The following COL4A4 variants were observed in gnomAD, a reference collection of about 807,000 sequenced individuals.
COL4A4 encodes collagen type IV alpha 4 chain.
In COL4A4, 105 loss-of-function variants were observed where a neutral mutation model predicts 192.9. That is an observed-to-expected ratio of 0.54 (90% CI 0.46 to 0.64). The LOEUF (loss-of-function observed/expected upper bound fraction) is 0.64, where lower values mean the gene tolerates loss of function less well. Among genes scored for constraint, COL4A4 ranks in the 30% least tolerant of loss-of-function variants. The pLI, the probability that COL4A4 is intolerant of heterozygous loss-of-function variation, is 0.00. For synonymous variants in COL4A4, 762 were observed against 769.9 expected, an observed-to-expected ratio of 0.99 and a Z score of 0.17; for missense variants, 1,967 against 2,169.3, an observed-to-expected ratio of 0.91 and a Z score of 1.85.
Position 227,052,289 on chromosome 2 carries a change from A to T in COL4A4, c.2968+16T>A. On this transcript the variant is annotated intron_variant, in intron 32 of 47. Transcript: ENST00000396625. Reference sequence around the variant, plus strand: ...GTCAACTTATTTGATATGGTTAAAAACTCTTAAGTGTTTACCTCTTTCTCC... The same window carrying T: ...GTCAACTTATTTGATATGGTTAAAATCTCTTAAGTGTTTACCTCTTTCTCC... 1 of 1,414,726 alleles carries T rather than the reference A, an allele frequency of 7.1e-7. No homozygotes were observed. 87.6% of individuals were successfully genotyped at this position (1,414,726 alleles called of 1,614,324 possible).
At chr2:226,979,552 T>C in the COL4A4 span, among the ~76,000 whole-genome samples, 1 of 151,966 alleles carries the variant, frequency 6.6e-6, no homozygotes, top group African/African-American at 2.4e-5. Context: ...GGCTGGCTCA[T>C]CATATTCAAA....
chr2:227,130,666 C>T (rs796841162), intron 4 of COL4A4, among the ~76,000 whole-genome samples: 3 of 151,260 alleles, frequency 2.0e-5, no homozygotes, highest in African/African-American at 7.3e-5. Context: ...CAGACAATCC[C>T]TCCGTGTCCC....
Position 227,104,009 on chromosome 2 carries a change from A to G in COL4A4, c.779T>C (p.Val260Ala), listed in dbSNP as rs1374748296. ...ATAGAGACAAAAGTCAGGTGGCTCT[A>G]CCAACAGGGTGGGTCCAGGAGAACC... ...QQGSPGPTLL[V>A]EPPDFCLYKG... Residue 260 changes from valine (V) to alanine (A), a missense_variant, in exon 13 of 48, where the codon GTA becomes GCA. Transcript: ENST00000396625. 16 of 1,613,650 alleles carry G rather than the reference A, an allele frequency of 9.9e-6. No individual in the cohort carries two copies. Among genetic ancestry groups the G allele is most frequent in the Non-Finnish European group, 1.4e-5 (16 of 1,179,968 alleles).
the COL4A4 span, among the ~76,000 whole-genome samples, chr2:226,992,760 G>C: frequency 1.3e-5 from 2 of 152,200 alleles, no homozygotes; most frequent in Non-Finnish European, 2.9e-5. Context: ...GGAATGGTGA[G>C]AGGTGCAACC....
At chr2:227,132,679 G>T (rs1414273667) in intron 4 of COL4A4, among the ~76,000 whole-genome samples, 1 of 152,156 alleles carries the variant, frequency 6.6e-6, no homozygotes, top group African/African-American at 2.4e-5. Flanking sequence ...GGGAGGCTGA[G>T]GCAGGAGAAT....
chr2:227,085,157 CAA>C (rs72399577), intron 22 of COL4A4, among the ~76,000 whole-genome samples: 2 of 150,294 alleles, frequency 1.3e-5, no homozygotes, highest in Non-Finnish European at 3.0e-5. Context: ...CAAAACGAAA[CAA>C]AAAAAACACT....
intron 46 of COL4A4, among the ~76,000 whole-genome samples, chr2:227,009,570 A>G (rs1380829088): frequency 6.6e-6 from 1 of 151,982 alleles, no homozygotes; most frequent in Non-Finnish European, 1.5e-5. Flanking sequence ...TGGTGGCACA[A>G]GTCTGTAGTC....
chr2:227,043,152 G>A lies in COL4A4; in HGVS notation c.3322C>T (p.Pro1108Ser). 1 of 1,614,126 alleles carries A rather than the reference G, an allele frequency of 6.2e-7. No individual in the cohort carries two copies. The highest frequency in any genetic ancestry group is 8.5e-7 in the Non-Finnish European group (1 of 1,180,016). The change falls in exon 36 of 48, where the codon CCT becomes TCT. Residue 1108 changes from proline to serine, a missense_variant. Physicochemically the swap from Pro to Ser is moderately conservative, Grantham distance 74. Coordinates refer to ENST00000396625, the MANE Select transcript of COL4A4 (RefSeq NM_000092.5). ...GATCCTCTGGGCCCTTGAATACCAG[G>A]CAAGCCCTGCTCTCCGGATGCTCCA... Reference protein sequence around the residue: ...HFGASGEQGLPGIQGPRGSPG... With the variant: ...HFGASGEQGLSGIQGPRGSPG...
At chr2:227,002,519 C>A (rs1267768684), downstream of COL4A4, among the ~76,000 whole-genome samples, 1 of 152,252 alleles carries the variant, frequency 6.6e-6, no homozygotes, top group African/African-American at 2.4e-5. Flanking sequence ...GCTTTCATTT[C>A]TCTTCTGCGC....
chr2:226,972,018 G>A, the COL4A4 span, among the ~76,000 whole-genome samples: 3 of 151,844 alleles, frequency 2.0e-5, no homozygotes, highest in South Asian at 4.2e-4. Flanking sequence ...CTGTCAGCCC[G>A]TCATCTATGT....
intron 32 of COL4A4, 42 bp from the exon 33 acceptor site, chr2:227,051,200 G>C (rs1476718293): frequency 1.9e-6 from 3 of 1,606,308 alleles, no homozygotes; most frequent in Non-Finnish European, 2.6e-6. Context: ...CTGAAATTTT[G>C]AGCTAGGTAA....
intron 34 of COL4A4, among the ~76,000 whole-genome samples, chr2:227,048,253 C>T (rs1973315525): frequency 6.6e-6 from 1 of 152,156 alleles, no homozygotes; most frequent in Non-Finnish European, 1.5e-5. Context: ...CATTTACACT[C>T]CTTTCTAAAG....
intron 44 of COL4A4, among the ~76,000 whole-genome samples, chr2:227,016,226 G>A (rs780178908): frequency 1.2e-4 from 19 of 152,060 alleles, no homozygotes; most frequent in Non-Finnish European, 2.6e-4. Context: ...GATAAAGAAC[G>A]ATCGGGCCCC....
At chr2:227,009,630 G>A (rs1328877274) in intron 46 of COL4A4, among the ~76,000 whole-genome samples, 1 of 151,872 alleles carries the variant, frequency 6.6e-6, no homozygotes, top group African/African-American at 2.4e-5. Flanking sequence ...CCCTGGAGGT[G>A]GAGGTTGCAG....
intron 4 of COL4A4, among the ~76,000 whole-genome samples, chr2:227,138,502 G>A (rs7574372): frequency 0.093 from 14,053 of 151,690 alleles, 2,100 homozygotes; most frequent in African/African-American, 0.32. Context: ...GCATGGTGGC[G>A]GGCGCCTGTA....
At chr2:226,990,957 A>G in the COL4A4 span, among the ~76,000 whole-genome samples, 1 of 152,180 alleles carries the variant, frequency 6.6e-6, no homozygotes, top group East Asian at 1.9e-4. Context: ...TTAAGCAGAG[A>G]AAAGAAGATC....
At chr2:226,972,929 CAAAA>C in the COL4A4 span, among the ~76,000 whole-genome samples, 4 of 127,020 alleles carry the variant, frequency 3.1e-5, no homozygotes, top group Admixed American at 8.0e-5. Context: ...AAGCCTGTAG[CAAAA>C]AAAAAAAAAA....
intron 1 of COL4A4, among the ~76,000 whole-genome samples, chr2:227,156,168 G>A (rs991624146): frequency 1.1e-4 from 16 of 152,116 alleles, no homozygotes; most frequent in Non-Finnish European, 1.6e-4. Flanking sequence ...GGGTGCCAGG[G>A]TGGATGGATC....
the COL4A4 span, among the ~76,000 whole-genome samples, chr2:226,992,729 T>A: frequency 6.6e-6 from 1 of 152,198 alleles, no homozygotes; most frequent in African/African-American, 2.4e-5. Flanking sequence ...AAAGGGACAC[T>A]GGGTTTGGGC....
Sources: allele counts gnomAD v4.1 joint callset (sites outside exome capture counted in the v4.1 genomes callset), GRCh38; gene constraint gnomAD v4.1.1; transcripts MANE v1.5; gene names NCBI Gene and HGNC (gene_info 2026-07-23, HGNC 2026-07-21).